UNC13B: variants seen among roughly 807,000 people sequenced by gnomAD.
The protein encoded by UNC13B is unc-13 homolog B, also known as protein unc-13 homolog B.
A neutral mutation model predicts 211.0 loss-of-function variants in UNC13B; 144 were observed. The observed-to-expected ratio is 0.68, with a 90% CI of 0.60 to 0.78. UNC13B has a LOEUF of 0.78. Ranked by LOEUF, UNC13B falls within the 30% of genes least tolerant of loss-of-function variation. The pLI is 0.00. For synonymous variants in UNC13B, 709 were observed against 725.8 expected (o/e 0.98, Z 0.37); for missense variants, 1,777 against 2,002.0 (o/e 0.89, Z 2.14).
intron 37 of UNC13B, among the ~76,000 whole-genome samples, chr9:35,401,220 G>A (rs554359873): frequency 3.6e-4 from 55 of 152,272 alleles, no homozygotes; most frequent in East Asian, 2.9e-3. Flanking sequence ...GGAAGTTGGC[G>A]CTTAGGCATT....
chr9:35,351,479 A>C, intron 11 of UNC13B: 1 of 1,231,986 alleles, frequency 8.1e-7, no homozygotes, highest in Middle Eastern at 3.1e-4. Flanking sequence ...CATCCTGACC[A>C]GAAATAAGAG....
chr9:35,309,564 T>C (rs908730813), intron 9 of UNC13B, among the ~76,000 whole-genome samples: 11 of 152,180 alleles, frequency 7.2e-5, no homozygotes, highest in African/African-American at 2.2e-4. Flanking sequence ...ATACTGCTCT[T>C]CTTTCCACCA....
At chr9:35,252,758 G>A (rs1000922002) in intron 6 of UNC13B, among the ~76,000 whole-genome samples, 1 of 151,898 alleles carries the variant, frequency 6.6e-6, no homozygotes, top group South Asian at 2.1e-4. Context: ...GTGAAACCCC[G>A]TCTCTACTAA....
intron 1 of UNC13B, among the ~76,000 whole-genome samples, chr9:35,169,843 T>C (rs1821241386): frequency 6.6e-6 from 1 of 152,256 alleles, no homozygotes; most frequent in South Asian, 2.1e-4. Flanking sequence ...ATAAGCTTAA[T>C]TTTTATCCTA....
chr9:35,348,517 T>C (rs1178007385), intron 11 of UNC13B, among the ~76,000 whole-genome samples: 1 of 152,062 alleles, frequency 6.6e-6, no homozygotes, highest in African/African-American at 2.4e-5. Flanking sequence ...TGCAGACCAT[T>C]AGAAGGGAGT....
At chr9:35,386,358 A>C (rs889057564) in intron 24 of UNC13B, 65 bp downstream of exon 24, 2 of 1,603,956 alleles carry the variant, frequency 1.2e-6, no homozygotes, top group South Asian at 2.2e-5. Flanking sequence ...GTTTTCCTTC[A>C]TGATGGTGGT....
chr9:35,378,488 A>G (rs1413921622), intron 17 of UNC13B, 52 bp downstream of exon 17: 2 of 1,608,708 alleles, frequency 1.2e-6, no homozygotes, highest in Non-Finnish European at 1.7e-6. Flanking sequence ...TTGGGGGAGC[A>G]GGATCACATC....
intron 11 of UNC13B, chr9:35,351,595 C>A: frequency 8.1e-7 from 1 of 1,232,266 alleles, no homozygotes; most frequent in Non-Finnish European, 1.0e-6. Context: ...CCAGGCTTTC[C>A]CCAGATAAGG....
chr9:35,254,376 C>T (rs1826691310), intron 6 of UNC13B, among the ~76,000 whole-genome samples: 1 of 152,162 alleles, frequency 6.6e-6, no homozygotes, highest in Non-Finnish European at 1.5e-5. Flanking sequence ...AGACAGCACC[C>T]TGCTGTGTTC....
At chr9:35,201,812 G>A (rs1249698935) in intron 1 of UNC13B, among the ~76,000 whole-genome samples, 2 of 151,070 alleles carry the variant, frequency 1.3e-5, no homozygotes, top group Non-Finnish European at 3.0e-5. Context: ...ATTTTTTTTT[G>A]AAGGGTTTTT....
intron 6 of UNC13B, among the ~76,000 whole-genome samples, chr9:35,252,705 C>T (rs1317904246): frequency 4.6e-5 from 7 of 152,092 alleles, no homozygotes; most frequent in East Asian, 2.0e-4. Flanking sequence ...CCGAGACGGG[C>T]GGATCACGAG....
intron 7 of UNC13B, among the ~76,000 whole-genome samples, chr9:35,288,088 T>C (rs1046170000): frequency 6.6e-6 from 1 of 152,184 alleles, no homozygotes; most frequent in Non-Finnish European, 1.5e-5. Context: ...CTTATGAATC[T>C]ATCCCCTTCT....
At chr9:35,385,353 A>G (rs1487016879) in intron 22 of UNC13B, 1 of 985,458 alleles carries the variant, frequency 1.0e-6, no homozygotes, top group African/African-American at 1.7e-5. Flanking sequence ...ATATACAGTT[A>G]GATTGTAATT....
At position 35,360,538 on chromosome 9, in the gene UNC13B, A is replaced by T. The variant is rs559573604; in HGVS notation, c.9415-6409A>T. On this transcript the variant is annotated intron_variant, in intron 11 of 39. Coordinates refer to ENST00000635942, the MANE Select transcript of UNC13B (RefSeq NM_001371189.2). ...TCATTGTTTATTATCTGCTCCTCTT[A>T]CTAAAATAAAAGCTTTTCAGGATCA... The T allele has an allele frequency of 3.9e-5, 6 of 152,340 alleles. No homozygotes were observed. In the East Asian group the frequency reaches 9.6e-4, roughly 24 times the overall value. 9.4% of individuals were successfully genotyped at this position (152,340 alleles called of 1,614,324 possible).
At chr9:35,339,734 T>C (rs1831871704) in intron 11 of UNC13B, among the ~76,000 whole-genome samples, 1 of 152,258 alleles carries the variant, frequency 6.6e-6, no homozygotes, top group South Asian at 2.1e-4. Context: ...AGCCTTTGTT[T>C]TTCTGGAAAG....
At chr9:35,174,010 G>A (rs1248297351) in intron 1 of UNC13B, among the ~76,000 whole-genome samples, 1 of 152,188 alleles carries the variant, frequency 6.6e-6, no homozygotes, top group Non-Finnish European at 1.5e-5. Context: ...TGTTGTGAAA[G>A]TGATTAGTAC....
Position 35,381,163 on chromosome 9 carries a change from A to T in UNC13B, c.10439A>T (p.Lys3480Met). 6.2e-7 allele frequency: 1 copy of T among 1,613,218 alleles called. No homozygotes were observed. Among genetic ancestry groups the T allele is most frequent in the Non-Finnish European group, 8.5e-7 (1 of 1,179,658 alleles). The change falls in exon 19 of 40, where the codon AAG (lysine) becomes ATG (methionine). Residue 3480 changes from lysine to methionine, a missense_variant. Physicochemically the swap from Lys to Met is moderately conservative, Grantham distance 95. Coordinates refer to ENST00000635942, the MANE Select transcript of UNC13B (RefSeq NM_001371189.2). Reference sequence around the variant, plus strand: ...CGACTACAAATCAGTGTGGAGATCAAGGGGGAGGAGAAAGTAGCCCCATAC... The same window carrying T: ...CGACTACAAATCAGTGTGGAGATCATGGGGGAGGAGAAAGTAGCCCCATAC... Reference protein sequence around the residue: ...AIRLQISVEIKGEEKVAPYHV... With the variant: ...AIRLQISVEIMGEEKVAPYHV...
At chr9:35,289,939 G>T (rs898490084) in intron 7 of UNC13B, among the ~76,000 whole-genome samples, 1 of 152,058 alleles carries the variant, frequency 6.6e-6, no homozygotes. Context: ...TCGTGTCACC[G>T]CACTCCAACC....
chr9:35,270,832 A>G (rs1415014651), intron 7 of UNC13B, among the ~76,000 whole-genome samples: 1 of 152,080 alleles, frequency 6.6e-6, no homozygotes, highest in African/African-American at 2.4e-5. Context: ...CAGTTGTCCT[A>G]AGACCATTTG....
Sources: allele counts gnomAD v4.1 joint callset (sites outside exome capture counted in the v4.1 genomes callset), GRCh38; gene constraint gnomAD v4.1.1; transcripts MANE v1.5; gene names NCBI Gene and HGNC (gene_info 2026-07-23, HGNC 2026-07-21).